ALCAM: variants seen among roughly 807,000 people sequenced by gnomAD.
ALCAM encodes CD166 antigen.
ALCAM carries 30 observed loss-of-function variants against 70.9 expected under a neutral mutation model. The ratio of observed to expected loss-of-function variants is 0.42; its 90% CI spans 0.32 to 0.57. ALCAM has a LOEUF of 0.57. Among genes scored for constraint, ALCAM ranks in the 20% least tolerant of loss-of-function variants. The probability of loss-of-function intolerance (pLI) is 0.11; values close to 1 mark genes in which losing one functional copy is unlikely to be tolerated. For synonymous variants in ALCAM, 249 were observed against 242.5 expected, an observed-to-expected ratio of 1.03 and a Z score of -0.25; for missense variants, 591 against 695.1, an observed-to-expected ratio of 0.85 and a Z score of 1.68.
At chr3:105,464,952 C>A (rs1219191579) in intron 1 of ALCAM, among the ~76,000 whole-genome samples, 1 of 151,334 alleles carries the variant, frequency 6.6e-6, no homozygotes, top group Non-Finnish European at 1.5e-5. Context: ...CTCCCCTGTA[C>A]CCAGCGCATA....
intron 12 of ALCAM, 91 bp downstream of exon 12, chr3:105,550,350 G>T: frequency 8.1e-7 from 1 of 1,240,236 alleles, no homozygotes; most frequent in Non-Finnish European, 1.1e-6. Flanking sequence ...TTCCTGTACT[G>T]CATTATGGTA....
chr3:105,523,516 G>T (rs1224039505), intron 2 of ALCAM, among the ~76,000 whole-genome samples: 1 of 152,154 alleles, frequency 6.6e-6, no homozygotes, highest in Non-Finnish European at 1.5e-5. Flanking sequence ...GGTACATAAA[G>T]GAGGGACTGC....
intron 1 of ALCAM, among the ~76,000 whole-genome samples, chr3:105,508,753 C>G (rs1014237519): frequency 5.9e-5 from 9 of 152,050 alleles, no homozygotes; most frequent in African/African-American, 1.7e-4. Flanking sequence ...GAAATCCACT[C>G]TCTTAGAAAA....
intron 1 of ALCAM, among the ~76,000 whole-genome samples, chr3:105,396,465 A>G (rs1935953226): frequency 6.6e-6 from 1 of 152,038 alleles, no homozygotes; most frequent in South Asian, 2.1e-4. Flanking sequence ...ATCTGGAGAA[A>G]GAGACAAAAC....
intron 8 of ALCAM, among the ~76,000 whole-genome samples, chr3:105,543,530 C>T (rs1940173956): frequency 6.6e-6 from 1 of 151,106 alleles, no homozygotes; most frequent in African/African-American, 2.4e-5. Flanking sequence ...AGATTTGTTT[C>T]CTTTTCAAAC....
Position 105,367,352 on chromosome 3 carries a change from G to A in ALCAM, c.-57G>A, listed in dbSNP as rs567403091. ...GCGCGGGCACCGCGGGGCCCGGGACGACGCCCCCTCCTGCGGCGTGGACTC... is the reference window on the plus strand; with the variant it reads ...GCGCGGGCACCGCGGGGCCCGGGACAACGCCCCCTCCTGCGGCGTGGACTC... On this transcript the variant is annotated 5_prime_UTR_variant, in exon 1 of 16. Coordinates refer to ENST00000306107, the MANE Select transcript of ALCAM (RefSeq NM_001627.4). The A allele has an allele frequency of 4.3e-5, 69 of 1,586,660 alleles. 1 individual carries two copies. The South Asian group carries it at 7.3e-4, about 17-fold the overall frequency.
intron 1 of ALCAM, among the ~76,000 whole-genome samples, chr3:105,368,903 C>A (rs1935152818): frequency 6.6e-6 from 1 of 152,028 alleles, no homozygotes; most frequent in Non-Finnish European, 1.5e-5. Flanking sequence ...GGCTCTGGGG[C>A]GGGGACTGTG....
intron 1 of ALCAM, among the ~76,000 whole-genome samples, chr3:105,413,734 G>T (rs575842782): frequency 2.5e-4 from 38 of 152,104 alleles, no homozygotes; most frequent in Non-Finnish European, 4.7e-4. Flanking sequence ...TGCTGTTATT[G>T]CAATGTGTGT....
rs1940866738 is a variant in ALCAM, at chr3:105,571,845, C to T, written c.1665-7C>T. 1.9e-6 allele frequency: 3 copies of T among 1,593,614 alleles called. No individual in the cohort carries two copies. Among genetic ancestry groups the T allele is most frequent in the East Asian group, 2.2e-5 (1 of 44,734 alleles). ...AATATGATGAAGTTTATTTAATTCT[C>T]TTACAGGACTGCATCAAAACATGTA... On this transcript the variant is annotated splice_polypyrimidine_tract_variant and splice_region_variant and intron_variant, in intron 14 of 15. Coordinates refer to ENST00000306107, the MANE Select transcript of ALCAM (RefSeq NM_001627.4).
intron 1 of ALCAM, among the ~76,000 whole-genome samples, chr3:105,512,960 C>A (rs1316525911): frequency 6.6e-6 from 1 of 151,708 alleles, no homozygotes; most frequent in East Asian, 1.9e-4. Flanking sequence ...CATACTTAAA[C>A]ATTTCTCCTG....
intron 14 of ALCAM, among the ~76,000 whole-genome samples, chr3:105,570,402 G>T (rs533299786): frequency 6.6e-6 from 1 of 152,174 alleles, no homozygotes; most frequent in Admixed American, 6.5e-5. Flanking sequence ...GGAACTGAAA[G>T]ACATAATATT....
chr3:105,539,611 C>T (rs1940065441), intron 6 of ALCAM, among the ~76,000 whole-genome samples: 1 of 151,998 alleles, frequency 6.6e-6, no homozygotes, highest in Non-Finnish European at 1.5e-5. Context: ...GATTTTTGTC[C>T]TTCCAAACTA....
intron 1 of ALCAM, among the ~76,000 whole-genome samples, chr3:105,439,761 A>C (rs1198898996): frequency 1.3e-5 from 2 of 152,152 alleles, no homozygotes; most frequent in Non-Finnish European, 2.9e-5. Flanking sequence ...GAGGGAGTTA[A>C]CTTCTGTGGC....
chr3:105,447,155 C>T (rs1937319937), intron 1 of ALCAM, among the ~76,000 whole-genome samples: 1 of 151,800 alleles, frequency 6.6e-6, no homozygotes, highest in African/African-American at 2.4e-5. Flanking sequence ...CTCTTAAAAA[C>T]AAAATTTCAA....
At chr3:105,413,571 C>T (rs1417524661) in intron 1 of ALCAM, among the ~76,000 whole-genome samples, 2 of 152,098 alleles carry the variant, frequency 1.3e-5, no homozygotes, top group Admixed American at 6.6e-5. Context: ...GATAAGTCAC[C>T]TAGCCCATTT....
intron 1 of ALCAM, among the ~76,000 whole-genome samples, chr3:105,486,554 T>C (rs1938433066): frequency 6.6e-6 from 1 of 152,180 alleles, no homozygotes; most frequent in South Asian, 2.1e-4. Flanking sequence ...GAATTAGCTT[T>C]TGTTTTTAAA....
intron 5 of ALCAM, among the ~76,000 whole-genome samples, chr3:105,533,941 C>T (rs940383029): frequency 6.6e-6 from 1 of 152,026 alleles, no homozygotes; most frequent in African/African-American, 2.4e-5. Flanking sequence ...ATGCAACTCA[C>T]CATAATGTAG....
Position 105,536,390 on chromosome 3 carries a change from G to A in ALCAM, c.730+1545G>A, listed in dbSNP as rs73006175. Among the ~76,000 whole-genome samples the A allele has an allele frequency of 3.1e-3, 470 of 152,142 alleles. 3 individuals are homozygous for A. The highest frequency in any genetic ancestry group is 0.011 in the African/African-American group (449 of 41,516). ...ATTACAGGTGTGAGCCACCAAGCCC[G>A]GCCCAGAATTCTTTCTGTTAGAAAT... On this transcript the variant is annotated intron_variant, in intron 6 of 15. Coordinates refer to ENST00000306107, the MANE Select transcript of ALCAM (RefSeq NM_001627.4).
At chr3:105,530,568 T>G (rs569593200) in intron 3 of ALCAM, among the ~76,000 whole-genome samples, 2 of 152,188 alleles carry the variant, frequency 1.3e-5, no homozygotes, top group Admixed American at 6.5e-5. Flanking sequence ...TTTTCTATTG[T>G]TCTATCTTGC....
Sources: gnomAD v4.1 joint callset for allele counts (sites outside exome capture counted in the v4.1 genomes callset) on GRCh38, gnomAD v4.1.1 for gene constraint, MANE v1.5 for transcripts, NCBI Gene and HGNC (gene_info 2026-07-23, HGNC 2026-07-21) for gene names.